The following TMEM132C variants were observed in gnomAD, a reference collection of about 807,000 sequenced individuals.
TMEM132C encodes transmembrane protein 132C, also known as protein phosphatase 1, regulatory subunit 152.
In TMEM132C, 29 loss-of-function variants were observed where a neutral mutation model predicts 61.4. The ratio of observed to expected loss-of-function variants is 0.47; its 90% CI spans 0.35 to 0.64. The LOEUF is 0.64. Ranked by LOEUF, TMEM132C falls within the 30% of genes least tolerant of loss-of-function variation. The pLI is 0.00. For missense variants in TMEM132C, 1,408 were observed against 1,476.9 expected (o/e 0.95, Z 0.76); for synonymous variants, 656 against 633.1 (o/e 1.04, Z -0.54).
chr12:128,338,778 T>TATATATA (rs1565905372), intron 1 of TMEM132C, among the ~76,000 whole-genome samples: 1 of 129,434 alleles, frequency 7.7e-6, no homozygotes, highest in African/African-American at 4.2e-5. Context: ...ATATATATAT[T>TATATATA]TTGCACAAAG....
Position 128,278,290 on chromosome 12 carries a change from C to T in TMEM132C, c.85+10803C>T, listed in dbSNP as rs894425520. On this transcript the variant is annotated intron_variant, in intron 1 of 8. Transcript: ENST00000435159. The surrounding 1 kb of genome is among the most constrained non-coding windows in gnomAD (Gnocchi z 4.2). The stretch of plus-strand genomic sequence containing the variant: ...CAATTTTTGTAAACCTTTTGGGTCA[C>T]GACACAGCCCCGGGTTACCATTTTC... Among the ~76,000 whole-genome samples the T allele has an allele frequency of 3.3e-5, 5 of 152,126 alleles. No homozygotes were observed. Among genetic ancestry groups the T allele is most frequent in the South Asian group, 2.1e-4 (1 of 4,826 alleles).
intron 4 of TMEM132C, among the ~76,000 whole-genome samples, chr12:128,622,662 C>G (rs926867698): frequency 6.6e-6 from 1 of 151,928 alleles, no homozygotes; most frequent in African/African-American, 2.4e-5. Context: ...TGGCTTCACT[C>G]TGCTCTGGGG....
intron 5 of TMEM132C, among the ~76,000 whole-genome samples, chr12:128,685,032 C>T (rs1005276130): frequency 3.3e-5 from 5 of 152,122 alleles, no homozygotes; most frequent in African/African-American, 7.2e-5. Flanking sequence ...TGTCCTGAAA[C>T]GGTGGCCCCT....
chr12:128,470,250 C>A (rs1870902629), intron 2 of TMEM132C, among the ~76,000 whole-genome samples: 1 of 152,126 alleles, frequency 6.6e-6, no homozygotes, highest in Non-Finnish European at 1.5e-5. Flanking sequence ...TGTCGACTTA[C>A]CATCCTGTCT....
intron 2 of TMEM132C, among the ~76,000 whole-genome samples, chr12:128,515,487 C>A (rs1872687613): frequency 6.6e-6 from 1 of 152,130 alleles, no homozygotes; most frequent in African/African-American, 2.4e-5. Flanking sequence ...TTCTGTTTAA[C>A]AAAAAGTGAA....
chr12:128,470,286 A>G (rs1551602), intron 2 of TMEM132C, among the ~76,000 whole-genome samples: 10,367 of 152,248 alleles, frequency 0.068, 1,172 homozygotes, highest in African/African-American at 0.23. Flanking sequence ...ATTTCCAACC[A>G]GTGAACTCTG....
chr12:128,666,612 A>G (rs895396800), intron 4 of TMEM132C, among the ~76,000 whole-genome samples: 1 of 152,252 alleles, frequency 6.6e-6, no homozygotes, highest in Admixed American at 6.5e-5. Flanking sequence ...CAGGAAGTTA[A>G]TGGGAAAGCA....
At chr12:128,649,368 T>C (rs2135608383) in intron 4 of TMEM132C, among the ~76,000 whole-genome samples, 1 of 152,282 alleles carries the variant, frequency 6.6e-6, no homozygotes, top group Middle Eastern at 3.4e-3. Flanking sequence ...TTCTCTGCCT[T>C]AGCTTGGAAG....
intron 2 of TMEM132C, among the ~76,000 whole-genome samples, chr12:128,473,738 C>T (rs1871066155): frequency 6.9e-6 from 1 of 145,470 alleles, no homozygotes; most frequent in Non-Finnish European, 1.5e-5. Flanking sequence ...GTCTTCACTT[C>T]AGCCTCTGTC....
At chr12:128,693,041 C>T (rs1487925368) in intron 5 of TMEM132C, among the ~76,000 whole-genome samples, 1 of 152,100 alleles carries the variant, frequency 6.6e-6, no homozygotes, top group East Asian at 1.9e-4. Flanking sequence ...TCATAGAAGA[C>T]CACAGAAGGG....
chr12:128,348,991 G>T (rs1042792969), intron 1 of TMEM132C, among the ~76,000 whole-genome samples: 1 of 152,108 alleles, frequency 6.6e-6, no homozygotes, highest in African/African-American at 2.4e-5. Context: ...CCCTGAAGTG[G>T]TATGGGTGGG....
At position 128,656,002 on chromosome 12, in the gene TMEM132C, T is replaced by C. The variant is rs536946405; in HGVS notation, c.1306-13415T>C. Among the ~76,000 whole-genome samples the C allele has an allele frequency of 4.6e-5, 7 of 152,346 alleles. No individual in the cohort carries two copies. The South Asian group carries it at 1.4e-3, about 32-fold the overall frequency. On this transcript the variant is annotated intron_variant, in intron 4 of 8. Transcript: ENST00000435159. ...CATGACCACTATTAGTCATCAGAGA[T>C]TTAGGCTTCTCCTATCTTACCTTCT...
intron 2 of TMEM132C, among the ~76,000 whole-genome samples, chr12:128,508,894 C>T (rs1872476135): frequency 6.6e-6 from 1 of 152,190 alleles, no homozygotes; most frequent in Admixed American, 6.5e-5. Context: ...ATGTCAGTCT[C>T]TCCCCAGCGT....
chr12:128,626,885 C>T (rs1439323005), intron 4 of TMEM132C, among the ~76,000 whole-genome samples: 3 of 152,238 alleles, frequency 2.0e-5, no homozygotes, highest in Non-Finnish European at 4.4e-5. Flanking sequence ...AGAGAAATAG[C>T]TCAGGCCTGC....
chr12:128,420,668 T>C (rs1430993056), intron 2 of TMEM132C, among the ~76,000 whole-genome samples: 2 of 151,730 alleles, frequency 1.3e-5, no homozygotes, highest in Non-Finnish European at 2.9e-5. Flanking sequence ...GCAGCAGAGG[T>C]GTAAGTGAGT....
chr12:128,680,229 G>A (rs1158478227), intron 5 of TMEM132C, among the ~76,000 whole-genome samples: 4 of 152,150 alleles, frequency 2.6e-5, no homozygotes, highest in Non-Finnish European at 5.9e-5. Flanking sequence ...GAAAGGATGA[G>A]GCAGGTACTA....
At chr12:128,357,043 C>G (rs1477265302) in intron 1 of TMEM132C, among the ~76,000 whole-genome samples, 1 of 152,132 alleles carries the variant, frequency 6.6e-6, no homozygotes, top group Non-Finnish European at 1.5e-5. Context: ...TGTCTGCAAA[C>G]ATTATACTAA....
chr12:128,434,377 T>A (rs1362520901), intron 2 of TMEM132C, among the ~76,000 whole-genome samples: 1 of 152,178 alleles, frequency 6.6e-6, no homozygotes, highest in African/African-American at 2.4e-5. Context: ...CTCAGCTCCC[T>A]GCAACCTCTG....
chr12:128,340,439 A>G (rs1872920360), intron 1 of TMEM132C, among the ~76,000 whole-genome samples: 1 of 152,220 alleles, frequency 6.6e-6, no homozygotes. Flanking sequence ...TTTTTAATAA[A>G]TAAAGAGCTG....
Sources: allele counts gnomAD v4.1 joint callset (sites outside exome capture counted in the v4.1 genomes callset), GRCh38; gene constraint gnomAD v4.1.1; non-coding constraint Gnocchi (gnomAD v3.1); transcripts MANE v1.5; gene names NCBI Gene and HGNC (gene_info 2026-07-23, HGNC 2026-07-21).